CTTNBP2: variants seen among roughly 807,000 people sequenced by gnomAD.
CTTNBP2 encodes cortactin binding protein 2, also known as cortactin-binding protein 2.
In CTTNBP2, 108 loss-of-function variants were observed where a neutral mutation model predicts 156.9. The observed-to-expected ratio is 0.69, with a 90% CI of 0.59 to 0.81. The LOEUF is 0.81. Among genes scored for constraint, CTTNBP2 ranks in the 30% least tolerant of loss-of-function variants. The pLI, the probability that CTTNBP2 is intolerant of heterozygous loss-of-function variation, is 0.00. For missense variants in CTTNBP2, 1,924 were observed against 2,035.4 expected, an observed-to-expected ratio of 0.95 and a Z score of 1.05; for synonymous variants, 767 against 751.8, an observed-to-expected ratio of 1.02 and a Z score of -0.33.
In CTTNBP2 at chr7:117,791,880, G is replaced by A; in HGVS notation, c.1316C>T (p.Pro439Leu). 6.2e-7 allele frequency: 1 copy of A among 1,614,162 alleles called. No homozygotes were observed. Reference sequence around the variant, plus strand: ...TGCTTGGATTCGTGGGTTTAGACCTGGATGCAAAGAGGTGTTGGCACATGG... The same window carrying A: ...TGCTTGGATTCGTGGGTTTAGACCTAGATGCAAAGAGGTGTTGGCACATGG... Reference protein sequence around the residue: ...HSPCANTSLHPGLNPRIQAAR... With the variant: ...HSPCANTSLHLGLNPRIQAAR... The change falls in exon 4 of 23, where the codon CCA becomes CTA. Residue 439 changes from proline (P) to leucine (L), a missense_variant. Coordinates refer to ENST00000160373, the MANE Select transcript of CTTNBP2 (RefSeq NM_033427.3).
At chr7:117,824,799 G>C (rs1385868732) in intron 2 of CTTNBP2, among the ~76,000 whole-genome samples, 1 of 152,162 alleles carries the variant, frequency 6.6e-6, no homozygotes, top group Non-Finnish European at 1.5e-5. Context: ...TCTTCAAATT[G>C]TAAGACACAA....
chr7:117,767,923 T>C (rs1209443202), intron 8 of CTTNBP2, among the ~76,000 whole-genome samples: 1 of 152,184 alleles, frequency 6.6e-6, no homozygotes, highest in Non-Finnish European at 1.5e-5. Flanking sequence ...CATGGCAAGA[T>C]GTTACATGAG....
In CTTNBP2 at chr7:117,718,086, CAAACATCCTTA is replaced by C; in HGVS notation, c.4667_4677del (p.Leu1556Ter). The stretch of plus-strand genomic sequence containing the variant: ...AGTACAGGGTTGTTTCCAGAACTAT[CAAACATCCTTA>C]AATCATCCCTGGAATCAGCAATCTA... On this transcript the variant is annotated frameshift_variant, in exon 22 of 23. Transcript: ENST00000160373. LOFTEE classifies it high-confidence loss of function. The C allele has an allele frequency of 1.9e-6, 3 of 1,613,140 alleles. No individual in the cohort carries two copies. The highest frequency in any genetic ancestry group is 1.7e-4 in the Middle Eastern group (1 of 6,058).
chr7:117,853,071 C>G (rs989583106), intron 2 of CTTNBP2, among the ~76,000 whole-genome samples: 2 of 152,052 alleles, frequency 1.3e-5, no homozygotes, highest in African/African-American at 2.4e-5. Flanking sequence ...GAAAACCTAA[C>G]AATATTAAGC....
chr7:117,842,719 A>G (rs1324873227), intron 2 of CTTNBP2, among the ~76,000 whole-genome samples: 1 of 152,136 alleles, frequency 6.6e-6, no homozygotes, highest in African/African-American at 2.4e-5. Flanking sequence ...GTATTTCTGT[A>G]TAACACAAAA....
In CTTNBP2 at chr7:117,719,489, A is replaced by G. The variant is rs1794657713; in HGVS notation, c.4644+15T>C. ...TGAGTAGAGCCATTCAATGCCCCCC[A>G]TTTGTACTGCTCACCTTGCTGATAT... is the stretch of plus-strand genomic sequence containing the variant. On this transcript the variant is annotated intron_variant, in intron 21 of 22. Transcript: ENST00000160373. The G allele has an allele frequency of 6.2e-7, 1 of 1,611,682 alleles. No homozygotes were observed. The highest frequency in any genetic ancestry group is 1.7e-5 in the Admixed American group (1 of 59,840).
rs115534896 is a variant in CTTNBP2, at chr7:117,809,464, G to A, written c.414+1301C>T. ...CCAAGAAATACAAATGAGTTTCAGT[G>A]ACATCAGCTGAAATTCATTGGCTCT... On this transcript the variant is annotated intron_variant, in intron 3 of 22. Transcript: ENST00000160373. Among the ~76,000 whole-genome samples, 488 of 152,298 alleles carry A rather than the reference G, an allele frequency of 3.2e-3. 3 individuals carry two copies. Among genetic ancestry groups the A allele is most frequent in the African/African-American group, 0.011 (471 of 41,564 alleles).
chr7:117,720,550 C>A (rs1794726437), intron 20 of CTTNBP2, among the ~76,000 whole-genome samples: 1 of 151,922 alleles, frequency 6.6e-6, no homozygotes, highest in African/African-American at 2.4e-5. Flanking sequence ...AAAAATTAGC[C>A]AGGCACGGTG....
intron 3 of CTTNBP2, among the ~76,000 whole-genome samples, chr7:117,795,902 A>T (rs1799286983): frequency 6.6e-6 from 1 of 151,996 alleles, no homozygotes; most frequent in Non-Finnish European, 1.5e-5. Flanking sequence ...TCAAACTCTG[A>T]CTCCCAATCA....
chr7:117,850,408 T>C (rs1802864629), intron 2 of CTTNBP2, among the ~76,000 whole-genome samples: 1 of 152,194 alleles, frequency 6.6e-6, no homozygotes, highest in South Asian at 2.1e-4. Flanking sequence ...AAAACAGCCA[T>C]ACTGCTTTGT....
chr7:117,782,913 T>C lies in CTTNBP2; in HGVS notation c.2321A>G (p.Asp774Gly). The C allele has an allele frequency of 6.2e-7, 1 of 1,614,124 alleles. No homozygotes were observed. Among genetic ancestry groups the C allele is most frequent in the Non-Finnish European group, 8.5e-7 (1 of 1,179,972 alleles). ...ACACAAGGGTGTGAAGCCATTTTTA[T>C]CAGCAGCATTGACTTGGGCTTCTGC... ...LSAEAQVNAA[D>G]KNGFTPLCAA... Residue 774 changes from aspartate to glycine, a missense_variant, in exon 6 of 23, where the codon GAT becomes GGT. Asp to Gly is a moderately conservative substitution (Grantham distance 94). Coordinates refer to ENST00000160373, the MANE Select transcript of CTTNBP2 (RefSeq NM_033427.3).
intron 1 of CTTNBP2, among the ~76,000 whole-genome samples, chr7:117,868,387 A>T (rs939241259): frequency 1.3e-5 from 2 of 151,788 alleles, no homozygotes; most frequent in African/African-American, 4.8e-5. Flanking sequence ...ACAAGTACTC[A>T]CTCTACACAG....
rs1274045226 is a variant in CTTNBP2 at position 117,784,424 on chromosome 7, A to C, written c.2099T>G (p.Met700Arg). Residue 700 changes from methionine (M) to arginine (R), a missense_variant, in exon 5 of 23, where the codon ATG becomes AGG. Coordinates refer to ENST00000160373, the MANE Select transcript of CTTNBP2 (RefSeq NM_033427.3). ...AGCCAGGGGGGCAGGACCACCACTC[A>C]TTAGCAAAGGGGTTAGGGAGGGTGA... ...GWSPSLTPLL[M>R]SGGPAPLAGR... 1 of 1,608,416 alleles carries C rather than the reference A, an allele frequency of 6.2e-7. No individual in the cohort carries two copies. The highest frequency in any genetic ancestry group is 1.3e-5 in the African/African-American group (1 of 74,624).
intron 2 of CTTNBP2, among the ~76,000 whole-genome samples, chr7:117,832,737 C>CTTTT (rs927988376): frequency 2.3e-4 from 26 of 112,996 alleles, no homozygotes; most frequent in Non-Finnish European, 3.3e-4. Flanking sequence ...ATTCATCAAC[C>CTTTT]TTTTTTTTTT....
chr7:117,864,637 T>C (rs527609037), intron 1 of CTTNBP2, among the ~76,000 whole-genome samples: 31 of 148,528 alleles, frequency 2.1e-4, no homozygotes, highest in Admixed American at 1.8e-3. Flanking sequence ...TTAGAATATA[T>C]ATATTCATAT....
chr7:117,849,526 T>TA (rs1469818731), intron 2 of CTTNBP2, among the ~76,000 whole-genome samples: 3 of 152,108 alleles, frequency 2.0e-5, no homozygotes, highest in Non-Finnish European at 4.4e-5. Flanking sequence ...GCTAAGCACA[T>TA]AAATGCTTCA....
intron 12 of CTTNBP2, among the ~76,000 whole-genome samples, chr7:117,748,779 T>G (rs1389759729): frequency 3.9e-5 from 6 of 152,218 alleles, no homozygotes; most frequent in Admixed American, 3.9e-4. Context: ...TTTTCCTAGT[T>G]GCTGTGGTCA....
chr7:117,737,789 A>T (rs1795787752), intron 14 of CTTNBP2, among the ~76,000 whole-genome samples: 3 of 152,132 alleles, frequency 2.0e-5, no homozygotes, highest in Non-Finnish European at 2.9e-5. Flanking sequence ...CATGTTGGTC[A>T]GGCTGGTCTC....
At chr7:117,804,563 A>C (rs1357900181) in intron 3 of CTTNBP2, among the ~76,000 whole-genome samples, 3 of 152,230 alleles carry the variant, frequency 2.0e-5, no homozygotes, top group Non-Finnish European at 2.9e-5. Context: ...AATGTCGTAC[A>C]TATACACCAT....
Sources: gnomAD v4.1 joint callset for allele counts (sites outside exome capture counted in the v4.1 genomes callset) on GRCh38, gnomAD v4.1.1 for gene constraint, MANE v1.5 for transcripts, NCBI Gene and HGNC (gene_info 2026-07-23, HGNC 2026-07-21) for gene names.